The following EBF1 variants were observed in gnomAD, a reference collection of about 807,000 sequenced individuals.
EBF1 encodes EBF transcription factor 1.
Under a neutral mutation model 68.4 loss-of-function variants are expected in EBF1, and 10 were observed. The observed-to-expected ratio is 0.15, with a 90% CI of 0.09 to 0.25. The LOEUF is 0.25. Among genes scored for constraint, EBF1 ranks in the 10% least tolerant of loss-of-function variants. EBF1 has a pLI of 1.00. For missense variants in EBF1, 509 were observed against 794.4 expected, an observed-to-expected ratio of 0.64 and a Z score of 4.32; for synonymous variants, 298 against 299.8, an observed-to-expected ratio of 0.99 and a Z score of 0.06.
intron 14 of EBF1, among the ~76,000 whole-genome samples, chr5:158,709,054 T>G (rs1758553632): frequency 6.6e-6 from 1 of 152,166 alleles, no homozygotes; most frequent in African/African-American, 2.4e-5. Context: ...TGGCCTGGCC[T>G]CTCATCTTTT....
intron 6 of EBF1, among the ~76,000 whole-genome samples, chr5:158,852,790 G>A (rs953248176): frequency 2.6e-5 from 4 of 152,098 alleles, no homozygotes; most frequent in African/African-American, 7.2e-5. Flanking sequence ...TATCAGAGAC[G>A]AACAATGACA....
At chr5:158,728,731 C>T (rs751199846) in intron 11 of EBF1, among the ~76,000 whole-genome samples, 17 of 152,036 alleles carry the variant, frequency 1.1e-4, no homozygotes, top group South Asian at 2.1e-4. Context: ...GCCTAGCTAA[C>T]GTTTTTTTTA....
rs552807223 is a variant in EBF1 at position 158,818,173 on chromosome 5, T to C, written c.778+5003A>G. ...TTCAGCCAGAGAGCCTGATCCTCCT[T>C]CTATCCTCTTGTTAGGACCATATTA... On this transcript the variant is annotated intron_variant, in intron 8 of 15. Coordinates refer to ENST00000313708, the MANE Select transcript of EBF1 (RefSeq NM_024007.5). 9.2e-5 allele frequency among the ~76,000 whole-genome samples: 14 copies of C among 152,262 alleles called. No individual in the cohort carries two copies. In the East Asian group the frequency reaches 2.3e-3, roughly 25 times the overall value.
intron 4 of EBF1, among the ~76,000 whole-genome samples, chr5:159,089,392 C>G (rs1244441620): frequency 6.6e-6 from 1 of 152,100 alleles, no homozygotes; most frequent in Non-Finnish European, 1.5e-5. Context: ...TGAGTTGCCA[C>G]TGTTTTGAAA....
At chr5:159,001,550 C>A (rs1762545894) in intron 6 of EBF1, among the ~76,000 whole-genome samples, 1 of 152,142 alleles carries the variant, frequency 6.6e-6, no homozygotes, top group African/African-American at 2.4e-5. Flanking sequence ...ACGATATTCC[C>A]CCACCTCACA....
At chr5:158,865,986 G>T (rs892733795) in intron 6 of EBF1, among the ~76,000 whole-genome samples, 1 of 152,214 alleles carries the variant, frequency 6.6e-6, no homozygotes, top group Non-Finnish European at 1.5e-5. Flanking sequence ...GTTAGAGGTT[G>T]CTCTAGGCTA....
chr5:158,714,300 G>T, intron 11 of EBF1, 118 bp from the exon 12 acceptor site: 3 of 1,109,060 alleles, frequency 2.7e-6, no homozygotes, highest in Non-Finnish European at 4.1e-6. Context: ...TATAAAGGCC[G>T]TAGCTTGGGG....
intron 6 of EBF1, among the ~76,000 whole-genome samples, chr5:159,069,789 T>C (rs1009573054): frequency 1.3e-5 from 2 of 152,162 alleles, no homozygotes; most frequent in Admixed American, 1.3e-4. Context: ...TTATGCTAAT[T>C]ACTCCTGCAA....
At chr5:158,849,824 A>C (rs564913138) in intron 6 of EBF1, among the ~76,000 whole-genome samples, 67 of 152,384 alleles carry the variant, frequency 4.4e-4, no homozygotes, top group African/African-American at 1.5e-3. Context: ...CTTCAAGTGA[A>C]TATCATTCAG....
intron 6 of EBF1, among the ~76,000 whole-genome samples, chr5:158,854,561 C>A (rs1276341908): frequency 6.6e-6 from 1 of 152,204 alleles, no homozygotes; most frequent in South Asian, 2.1e-4. Context: ...CCAATACCCA[C>A]CTGTTCACAG....
intron 6 of EBF1, among the ~76,000 whole-genome samples, chr5:158,989,189 C>A (rs1012055547): frequency 1.3e-5 from 2 of 152,166 alleles, no homozygotes. Flanking sequence ...AGCTGGACAG[C>A]GACAGTCTGT....
chr5:159,066,268 C>A (rs559696930), intron 6 of EBF1, among the ~76,000 whole-genome samples: 32 of 152,226 alleles, frequency 2.1e-4, no homozygotes, highest in African/African-American at 7.5e-4. Flanking sequence ...AAACAGTTAG[C>A]AGGATGGTAT....
intron 4 of EBF1, among the ~76,000 whole-genome samples, chr5:159,090,952 A>G (rs1781518485): frequency 6.6e-6 from 1 of 152,184 alleles, no homozygotes; most frequent in Admixed American, 6.5e-5. Context: ...CATTATTTCC[A>G]TTAGTCTGAT....
At chr5:158,911,458 G>A (rs1805955645) in intron 6 of EBF1, among the ~76,000 whole-genome samples, 1 of 151,660 alleles carries the variant, frequency 6.6e-6, no homozygotes, top group African/African-American at 2.4e-5. Context: ...GAGGATAGAG[G>A]GGTTTTTTTT....
intron 6 of EBF1, among the ~76,000 whole-genome samples, chr5:158,914,215 G>T (rs1806629935): frequency 6.6e-6 from 1 of 152,226 alleles, no homozygotes; most frequent in Admixed American, 6.5e-5. Context: ...GGTAGGTGGT[G>T]GGGGCAGTGC....
intron 6 of EBF1, among the ~76,000 whole-genome samples, chr5:158,940,998 C>A (rs1813232513): frequency 6.6e-6 from 1 of 152,122 alleles, no homozygotes; most frequent in South Asian, 2.1e-4. Flanking sequence ...ACAGAGCAGA[C>A]TTTAATTGAA....
chr5:158,816,034 T>C (rs1783671821), intron 8 of EBF1, among the ~76,000 whole-genome samples: 1 of 152,238 alleles, frequency 6.6e-6, no homozygotes, highest in Non-Finnish European at 1.5e-5. Flanking sequence ...AATTGTAACA[T>C]GCCACCCTCA....
intron 6 of EBF1, among the ~76,000 whole-genome samples, chr5:159,033,956 A>G (rs984603372): frequency 2.0e-5 from 3 of 152,196 alleles, no homozygotes; most frequent in African/African-American, 4.8e-5. Flanking sequence ...GGTGTAATAA[A>G]AATGGGCTTA....
chr5:158,784,559 T>C (rs1358904906), intron 9 of EBF1, among the ~76,000 whole-genome samples: 1 of 151,916 alleles, frequency 6.6e-6, no homozygotes, highest in Non-Finnish European at 1.5e-5. Flanking sequence ...TAGGAGTAGG[T>C]AAAATAAATG....
Sources: allele counts gnomAD v4.1 joint callset (sites outside exome capture counted in the v4.1 genomes callset), GRCh38; gene constraint gnomAD v4.1.1; transcripts MANE v1.5; gene names NCBI Gene and HGNC (gene_info 2026-07-23, HGNC 2026-07-21).